The following PRDM4 variants were observed in gnomAD, a reference collection of about 807,000 sequenced individuals.
PRDM4 encodes the protein PR/SET domain 4, also known as PR domain zinc finger protein 4.
In PRDM4, 38 loss-of-function variants were observed where a neutral mutation model predicts 62.3. The observed-to-expected ratio is 0.61, with a 90% CI of 0.47 to 0.80. The LOEUF is 0.80. PRDM4 is among the 30% of genes least tolerant of loss of function. The probability of loss-of-function intolerance (pLI) is 0.00; values close to 1 mark genes in which losing one functional copy is unlikely to be tolerated. For synonymous variants in PRDM4, 339 were observed against 348.2 expected (o/e 0.97, Z 0.30); for missense variants, 858 against 997.1 (o/e 0.86, Z 1.88).
rs1890257923 is a variant in PRDM4 at position 107,734,281 on chromosome 12, CA to C, written c.2334del (p.Val779TrpfsTer42). 6.2e-7 allele frequency: 1 copy of C among 1,614,216 alleles called. No individual in the cohort carries two copies. Among genetic ancestry groups the C allele is most frequent in the Non-Finnish European group, 8.5e-7 (1 of 1,180,024 alleles). ...DDSEEEDLADSVGTEDCRINS... is the reference protein window; with the variant it reads ...DDSEEEDLADXVGTEDCRINS... ...TTAATCCTACAGTCTTCTGTCCCCA[CA>C]GAGTCTGCTAGATCTTCCTCTTCTG... On this transcript the variant is annotated frameshift_variant, in exon 12 of 12. Transcript: ENST00000228437. LOFTEE classifies it high-confidence loss of function.
intron 11 of PRDM4, chr12:107,739,126 G>T: frequency 5.3e-6 from 2 of 377,056 alleles, no homozygotes; most frequent in Non-Finnish European, 4.8e-6. Flanking sequence ...TTTGTCTCTA[G>T]GTTTTTGTAG....
At chr12:107,737,788 T>C (rs1489986503) in intron 11 of PRDM4, among the ~76,000 whole-genome samples, 1 of 152,198 alleles carries the variant, frequency 6.6e-6, no homozygotes, top group African/African-American at 2.4e-5. Flanking sequence ...GCACCAATTG[T>C]TGTTTTTCAC....
At chr12:107,753,867 G>C in intron 4 of PRDM4, 57 bp downstream of exon 4, 2 of 1,503,738 alleles carry the variant, frequency 1.3e-6, no homozygotes, top group South Asian at 2.5e-5. Context: ...CAGGATAAAA[G>C]TTTAAAAGCT....
chr12:107,735,869 C>T (rs1303166660), intron 11 of PRDM4, among the ~76,000 whole-genome samples: 3 of 151,542 alleles, frequency 2.0e-5, no homozygotes, highest in South Asian at 2.1e-4. Context: ...AGGGTGCAGT[C>T]GGGCGTTCTG....
At chr12:107,744,209 A>G (rs1167137424) in intron 7 of PRDM4, among the ~76,000 whole-genome samples, 1 of 152,240 alleles carries the variant, frequency 6.6e-6, no homozygotes, top group Non-Finnish European at 1.5e-5. Flanking sequence ...TTTAATTACA[A>G]AGTAAGACTT....
Position 107,740,701 on chromosome 12 carries a change from T to C in PRDM4, c.1924+245A>G, listed in dbSNP as rs531251450. On this transcript the variant is annotated intron_variant, in intron 10 of 11. Coordinates refer to ENST00000228437, the MANE Select transcript of PRDM4 (RefSeq NM_012406.4). ...AAGCTTCTATTTAAGACCAAACACATTGATCAACTTCCTGATTATTAAGTG... is the reference window on the plus strand; with the variant it reads ...AAGCTTCTATTTAAGACCAAACACACTGATCAACTTCCTGATTATTAAGTG... Among the ~76,000 whole-genome samples the C allele has an allele frequency of 3.9e-5, 6 of 152,194 alleles. No individual in the cohort carries two copies. The East Asian group carries it at 1.2e-3, about 29-fold the overall frequency.
chr12:107,740,351 G>GTC (rs1246805094), intron 10 of PRDM4, among the ~76,000 whole-genome samples: 1 of 152,098 alleles, frequency 6.6e-6, no homozygotes. Flanking sequence ...GTCAGGTGTG[G>GTC]TGGCGCATGT....
At position 107,751,837 on chromosome 12, in the gene PRDM4, A is replaced by AC. The variant is rs1890904985; in HGVS notation, c.703_704insG (p.Leu235ArgfsTer48). The AC allele has an allele frequency of 6.2e-7, 1 of 1,614,120 alleles. No homozygotes were observed. Among genetic ancestry groups the AC allele is most frequent in the Admixed American group, 1.7e-5 (1 of 60,014 alleles). Reference sequence around the variant, plus strand: ...GTTGTTGCTCACAGAATCCACAGACAGAGGTTCATGACTTCTGGAGCCATT... The same window carrying AC: ...GTTGTTGCTCACAGAATCCACAGACACGAGGTTCATGACTTCTGGAGCCATT... On this transcript the variant is annotated frameshift_variant, in exon 5 of 12. Transcript: ENST00000228437. LOFTEE classifies it high-confidence loss of function.
chr12:107,750,573 G>C (rs922137143), intron 5 of PRDM4, among the ~76,000 whole-genome samples: 1 of 152,092 alleles, frequency 6.6e-6, no homozygotes, highest in Non-Finnish European at 1.5e-5. Context: ...CATGTTTCCT[G>C]CATGAATGAA....
At chr12:107,755,745 A>G (rs1368588421) in intron 3 of PRDM4, among the ~76,000 whole-genome samples, 2 of 152,200 alleles carry the variant, frequency 1.3e-5, no homozygotes, top group Non-Finnish European at 2.9e-5. Flanking sequence ...TTTATATTCT[A>G]TTTCAATAGA....
chr12:107,759,404 C>A (rs1286871784), intron 2 of PRDM4, among the ~76,000 whole-genome samples: 2 of 152,210 alleles, frequency 1.3e-5, no homozygotes, highest in Non-Finnish European at 2.9e-5. Context: ...ATCACTACAG[C>A]TGTAACAGCC....
intron 3 of PRDM4, 51 bp from the exon 4 acceptor site, chr12:107,754,160 AT>A (rs767058044): frequency 7.1e-7 from 1 of 1,402,864 alleles, no homozygotes; most frequent in Admixed American, 2.2e-5. Flanking sequence ...GTAATTAAAA[AT>A]TCTCACTACA....
At chr12:107,742,099 C>T (rs1890535229) in intron 9 of PRDM4, 122 bp downstream of exon 9, 3 of 1,069,694 alleles carry the variant, frequency 2.8e-6, no homozygotes, top group African/African-American at 3.2e-5. Context: ...TAATAGTTTG[C>T]ATTTATACAA....
intron 11 of PRDM4, chr12:107,737,967 C>T (rs573787105): frequency 2.6e-5 from 4 of 152,328 alleles, no homozygotes; most frequent in Non-Finnish European, 5.9e-5. Flanking sequence ...GGATTAGTGT[C>T]CTTATGAGAA....
intron 4 of PRDM4, among the ~76,000 whole-genome samples, chr12:107,752,969 T>A (rs1890944141): frequency 6.6e-6 from 1 of 152,172 alleles, no homozygotes; most frequent in Non-Finnish European, 1.5e-5. Flanking sequence ...AAGTAATGCA[T>A]CATTAAAAAG....
chr12:107,739,548 T>C lies in PRDM4; in HGVS notation c.1928A>G (p.Gln643Arg). 1 of 1,613,028 alleles carries C rather than the reference T, an allele frequency of 6.2e-7. No homozygotes were observed. Among genetic ancestry groups the C allele is most frequent in the Non-Finnish European group, 8.5e-7 (1 of 1,179,370 alleles). The part of the protein sequence containing the change: ...LRTHLKIHTG[Q>R]KNYRCTLCDK... Reference sequence around the variant, plus strand: ...ACACAAGGTACACCTGTAGTTCTTCTGACCTGCAATCAGCCCAAAGTATTA... The same window carrying C: ...ACACAAGGTACACCTGTAGTTCTTCCGACCTGCAATCAGCCCAAAGTATTA... Residue 643 changes from glutamine to arginine, a missense_variant, in exon 11 of 12, where the codon CAG (glutamine) becomes CGG (arginine). This residue lies in a region of PRDM4 where 355 missense variants were observed against 432.6 expected (regional missense o/e 0.82). Coordinates refer to ENST00000228437, the MANE Select transcript of PRDM4 (RefSeq NM_012406.4).
intron 11 of PRDM4, among the ~76,000 whole-genome samples, chr12:107,737,603 G>A (rs900539358): frequency 7.9e-5 from 12 of 152,160 alleles, no homozygotes; most frequent in African/African-American, 2.7e-4. Context: ...TGATCTTTAA[G>A]AAACAATATA....
At chr12:107,742,776 T>G (rs1890559924) in intron 8 of PRDM4, among the ~76,000 whole-genome samples, 3 of 151,476 alleles carry the variant, frequency 2.0e-5, no homozygotes, top group African/African-American at 7.3e-5. Flanking sequence ...TTTTTTTTTT[T>G]TTTTTGAGAC....
chr12:107,733,208 G>A lies in PRDM4; in HGVS notation c.*1002C>T, dbSNP rs190073557. On this transcript the variant is annotated 3_prime_UTR_variant, in exon 12 of 12. Coordinates refer to ENST00000228437, the MANE Select transcript of PRDM4 (RefSeq NM_012406.4). ...GGCATCTTCCATGCTTCTCTGATGA[G>A]GTTCCTCAGCACTGAGACAACTGGG... The A allele has an allele frequency of 6.6e-6, 1 of 152,306 alleles. No individual in the cohort carries two copies. The highest frequency in any genetic ancestry group is 1.9e-4 in the East Asian group (1 of 5,184). 9.4% of individuals were successfully genotyped at this position (152,306 alleles called of 1,614,324 possible).
Sources: gnomAD v4.1 joint callset for allele counts (sites outside exome capture counted in the v4.1 genomes callset) on GRCh38, gnomAD v4.1.1 for gene constraint, gnomAD v4.1.1 regional missense constraint, MANE v1.5 for transcripts, NCBI Gene and HGNC (gene_info 2026-07-23, HGNC 2026-07-21) for gene names.